RUNX2: variants seen among roughly 807,000 people sequenced by gnomAD.
RUNX2 encodes the protein RUNX family transcription factor 2.
RUNX2 carries 10 observed loss-of-function variants against 51.7 expected under a neutral mutation model. That is an observed-to-expected ratio of 0.19 (90% CI 0.12 to 0.33). The LOEUF (loss-of-function observed/expected upper bound fraction) is 0.33. Among genes scored for constraint, RUNX2 ranks in the 10% least tolerant of loss-of-function variants. The probability of loss-of-function intolerance (pLI) is 1.00; values close to 1 mark genes in which losing one functional copy is unlikely to be tolerated. For synonymous variants in RUNX2, 276 were observed against 273.6 expected, an observed-to-expected ratio of 1.01 and a Z score of -0.09; for missense variants, 562 against 691.3, an observed-to-expected ratio of 0.81 and a Z score of 2.10.
chr6:45,372,007 T>C, intron 2 of RUNX2: 4 of 934,446 alleles, frequency 4.3e-6, no homozygotes, highest in Non-Finnish European at 5.1e-6. Flanking sequence ...TTCTTTCTAC[T>C]ATACATCAAA....
At chr6:45,354,630 T>C (rs1160228867) in intron 2 of RUNX2, among the ~76,000 whole-genome samples, 2 of 149,812 alleles carry the variant, frequency 1.3e-5, no homozygotes, top group Non-Finnish European at 3.0e-5. Flanking sequence ...CACGCACACA[T>C]ACACACACAC....
At chr6:45,422,498 C>G in intron 2 of RUNX2, 95 bp from the exon 3 acceptor site, 1 of 674,858 alleles carries the variant, frequency 1.5e-6, no homozygotes. Context: ...TCGCCTTCAC[C>G]CCCCCAATTT....
intron 2 of RUNX2, among the ~76,000 whole-genome samples, chr6:45,330,233 A>G (rs1298005255): frequency 2.0e-5 from 3 of 151,972 alleles, no homozygotes; most frequent in Non-Finnish European, 2.9e-5. Context: ...AATGATGGGT[A>G]CCAAGTATTA....
chr6:45,397,629 T>A (rs1261781536), intron 2 of RUNX2, among the ~76,000 whole-genome samples: 2 of 152,224 alleles, frequency 1.3e-5, no homozygotes, highest in East Asian at 3.8e-4. Flanking sequence ...GATGCCAGAT[T>A]CATGATACTT....
chr6:45,477,122 A>T (rs1393316288), intron 5 of RUNX2, among the ~76,000 whole-genome samples: 1 of 152,192 alleles, frequency 6.6e-6, no homozygotes, highest in Admixed American at 6.5e-5. Flanking sequence ...GAGCAGATTC[A>T]GAACCGTTTC....
chr6:45,545,816 A>T (rs1582230890), intron 8 of RUNX2, among the ~76,000 whole-genome samples: 1 of 152,244 alleles, frequency 6.6e-6, no homozygotes, highest in African/African-American at 2.4e-5. Context: ...TTCAGAAAAC[A>T]AATTTCCACA....
intron 2 of RUNX2, chr6:45,365,312 A>C: frequency 1.3e-6 from 2 of 1,587,504 alleles, no homozygotes; most frequent in Non-Finnish European, 1.7e-6. Context: ...CTAAATAAAA[A>C]GGAGAAATAA....
chr6:45,428,619 G>A (rs777659824), intron 3 of RUNX2, among the ~76,000 whole-genome samples: 50 of 151,952 alleles, frequency 3.3e-4, no homozygotes, highest in African/African-American at 1.1e-3. Flanking sequence ...AATGTGATAC[G>A]TAAAACACAC....
At chr6:45,420,697 TA>T (rs1798161470) in intron 2 of RUNX2, among the ~76,000 whole-genome samples, 2 of 152,204 alleles carry the variant, frequency 1.3e-5, no homozygotes, top group Admixed American at 1.3e-4. Flanking sequence ...GCAAGAAACG[TA>T]GTAGTACACA....
intron 2 of RUNX2, among the ~76,000 whole-genome samples, chr6:45,338,781 T>C (rs1394154528): frequency 1.3e-5 from 2 of 152,112 alleles, no homozygotes; most frequent in Non-Finnish European, 2.9e-5. Flanking sequence ...ATAATTTATA[T>C]GCAGCCTATT....
At chr6:45,486,461 A>G (rs910192123) in intron 5 of RUNX2, among the ~76,000 whole-genome samples, 4 of 152,292 alleles carry the variant, frequency 2.6e-5, no homozygotes, top group East Asian at 1.9e-4. Context: ...CTTCTTTTAA[A>G]CTTTATTTTA....
chr6:45,446,285 T>C (rs1289004542), intron 5 of RUNX2, among the ~76,000 whole-genome samples: 1 of 152,222 alleles, frequency 6.6e-6, no homozygotes, highest in Admixed American at 6.5e-5. Flanking sequence ...AGTTTCCACA[T>C]GCATATGTTC....
At chr6:45,464,787 T>C (rs1799576084) in intron 5 of RUNX2, among the ~76,000 whole-genome samples, 1 of 152,218 alleles carries the variant, frequency 6.6e-6, no homozygotes. Context: ...TTCATAACCA[T>C]AGGTATTTAA....
chr6:45,415,953 C>A (rs1185843342), intron 2 of RUNX2, among the ~76,000 whole-genome samples: 2 of 152,036 alleles, frequency 1.3e-5, no homozygotes, highest in African/African-American at 4.8e-5. Context: ...CTGCCAATAA[C>A]GAAGATAATT....
intron 2 of RUNX2, among the ~76,000 whole-genome samples, chr6:45,336,893 T>G (rs1359985587): frequency 6.6e-6 from 1 of 151,648 alleles, no homozygotes; most frequent in Non-Finnish European, 1.5e-5. Flanking sequence ...TCTTAAATGC[T>G]GTTTTAAAGG....
At chr6:45,536,564 AT>A (rs1802040878) in intron 7 of RUNX2, among the ~76,000 whole-genome samples, 1 of 152,118 alleles carries the variant, frequency 6.6e-6, no homozygotes, top group Non-Finnish European at 1.5e-5. Flanking sequence ...ATTTTGGGAA[AT>A]TGTATTTGAA....
At chr6:45,389,880 C>T (rs897301169) in intron 2 of RUNX2, among the ~76,000 whole-genome samples, 2 of 151,946 alleles carry the variant, frequency 1.3e-5, no homozygotes, top group African/African-American at 4.8e-5. Flanking sequence ...GTGGTGCACA[C>T]CTGTAATCCC....
chr6:45,448,418 AG>A (rs1799064481), intron 5 of RUNX2, among the ~76,000 whole-genome samples: 1 of 152,216 alleles, frequency 6.6e-6, no homozygotes, highest in African/African-American at 2.4e-5. Flanking sequence ...TGTCTTTTGT[AG>A]GGTAAACGAA....
rs375160471 is a variant in RUNX2 at position 45,362,054 on chromosome 6, A to AAAC, written c.58+33293_58+33295dup. Among the ~76,000 whole-genome samples, 280 of 152,050 alleles carry AAAC rather than the reference A, an allele frequency of 1.8e-3. 1 individual carries two copies. The highest frequency in any genetic ancestry group is 0.014 in the East Asian group (73 of 5,184). On this transcript the variant is annotated intron_variant, in intron 2 of 8. Transcript: ENST00000647337. ...GGCAACAAAGCTAGATTCCTCTCAA[A>AAAC]AACAACAACAACAACAACAACAACA...
Sources: gnomAD v4.1 joint callset for allele counts (sites outside exome capture counted in the v4.1 genomes callset) on GRCh38, gnomAD v4.1.1 for gene constraint, MANE v1.5 for transcripts, NCBI Gene and HGNC (gene_info 2026-07-23, HGNC 2026-07-21) for gene names.